Variants in DNM3 observed in about 807,000 individuals in gnomAD.
The protein encoded by DNM3 is dynamin 3, also known as dynamin-3.
DNM3 carries 47 observed loss-of-function variants against 101.6 expected under a neutral mutation model. That is an observed-to-expected ratio of 0.46 (90% CI 0.37 to 0.59). DNM3 has a LOEUF of 0.59. DNM3 is among the 20% of genes least tolerant of loss of function. DNM3 has a pLI of 0.00. For missense variants in DNM3, 849 were observed against 1,085.7 expected (o/e 0.78, Z 3.06); for synonymous variants, 385 against 387.9 (o/e 0.99, Z 0.09).
intron 17 of DNM3, among the ~76,000 whole-genome samples, chr1:172,327,446 C>A (rs372515422): frequency 2.6e-5 from 4 of 152,076 alleles, no homozygotes; most frequent in Non-Finnish European, 4.4e-5. Context: ...TGTCCTTGGT[C>A]GTATGTGAGA....
At chr1:172,362,644 G>T (rs1385650249) in intron 17 of DNM3, among the ~76,000 whole-genome samples, 1 of 151,686 alleles carries the variant, frequency 6.6e-6, no homozygotes, top group Non-Finnish European at 1.5e-5. Context: ...CCCAACCCTG[G>T]TATCTTGATA....
chr1:171,882,430 TACACACACACACACAC>T (rs34753464), intron 1 of DNM3, among the ~76,000 whole-genome samples: 3 of 145,328 alleles, frequency 2.1e-5, no homozygotes, highest in African/African-American at 7.7e-5. Flanking sequence ...TCTCTCTCTA[TACACACACACACACAC>T]ACACACACAC....
At chr1:172,415,128 T>C (rs2071384212), downstream of DNM3, among the ~76,000 whole-genome samples, 1 of 152,144 alleles carries the variant, frequency 6.6e-6, no homozygotes, top group African/African-American at 2.4e-5. Context: ...ACAAGAGCTC[T>C]CAACTAAGGG....
intron 16 of DNM3, among the ~76,000 whole-genome samples, chr1:172,316,853 A>G (rs1308306204): frequency 6.6e-6 from 1 of 152,196 alleles, no homozygotes; most frequent in Non-Finnish European, 1.5e-5. Flanking sequence ...TAACAAGGAT[A>G]CCCAGGAATT....
intron 14 of DNM3, among the ~76,000 whole-genome samples, chr1:172,161,606 A>C (rs547087060): frequency 2.0e-5 from 3 of 152,164 alleles, no homozygotes; most frequent in East Asian, 3.9e-4. Context: ...ACAAATGAGC[A>C]ACTAAATGAT....
intron 2 of DNM3, among the ~76,000 whole-genome samples, chr1:171,938,374 C>T (rs769619806): frequency 4.6e-5 from 7 of 152,136 alleles, no homozygotes; most frequent in African/African-American, 9.7e-5. Flanking sequence ...ACTTGTCCCT[C>T]GGAGCTTGGC....
chr1:171,900,046 A>G (rs1022768260), intron 1 of DNM3, among the ~76,000 whole-genome samples: 1 of 152,320 alleles, frequency 6.6e-6, no homozygotes, highest in South Asian at 2.1e-4. Flanking sequence ...GAGAGACTGC[A>G]CAGTGGGGGA....
At chr1:172,391,777 A>G (rs2069549730) in intron 20 of DNM3, among the ~76,000 whole-genome samples, 1 of 152,082 alleles carries the variant, frequency 6.6e-6, no homozygotes, top group Admixed American at 6.6e-5. Context: ...GAAACCAGAA[A>G]CCTATAACAT....
At chr1:172,075,080 C>CT (rs975202394) in intron 11 of DNM3, among the ~76,000 whole-genome samples, 31 of 151,872 alleles carry the variant, frequency 2.0e-4, no homozygotes, top group Middle Eastern at 3.4e-3. Context: ...TGATGATGAG[C>CT]TTTTTTTTCA....
chr1:171,912,739 G>C (rs1356546231), intron 1 of DNM3, among the ~76,000 whole-genome samples: 1 of 152,168 alleles, frequency 6.6e-6, no homozygotes, highest in African/African-American at 2.4e-5. Flanking sequence ...CATTTGCAAG[G>C]GAGGCTGGGA....
intron 10 of DNM3, among the ~76,000 whole-genome samples, chr1:172,058,216 G>C (rs1286997787): frequency 6.6e-6 from 1 of 151,618 alleles, no homozygotes; most frequent in African/African-American, 2.4e-5. Context: ...TGACCTGCAA[G>C]GAGACTTAGA....
intron 1 of DNM3, among the ~76,000 whole-genome samples, chr1:171,893,057 C>A (rs1344430511): frequency 1.3e-5 from 2 of 149,804 alleles, no homozygotes; most frequent in African/African-American, 5.1e-5. Context: ...TTCCTTTTCC[C>A]TTTAGTCTTG....
rs553411732 is a variant in DNM3, at chr1:172,195,675, T to G, written c.1660-57898T>G. Among the ~76,000 whole-genome samples the G allele has an allele frequency of 2.6e-5, 4 of 152,078 alleles. No individual in the cohort carries two copies. The South Asian group carries it at 8.3e-4, about 32-fold the overall frequency. On this transcript the variant is annotated intron_variant, in intron 14 of 20. Transcript: ENST00000627582. ...TTTTCTTCTGCATCTATCGATATGA[T>G]AGTATGTTGTTTTATTCTTTAATAT...
At chr1:172,079,234 C>T (rs1325633410) in intron 11 of DNM3, among the ~76,000 whole-genome samples, 1 of 152,158 alleles carries the variant, frequency 6.6e-6, no homozygotes, top group Non-Finnish European at 1.5e-5. Flanking sequence ...ATTCCATTCT[C>T]CCCGTCACTT....
chr1:171,994,968 T>C (rs1435332473), intron 4 of DNM3, among the ~76,000 whole-genome samples: 1 of 151,816 alleles, frequency 6.6e-6, no homozygotes, highest in Non-Finnish European at 1.5e-5. Context: ...CCTCCAGGGG[T>C]TTCTAGGGTT....
chr1:172,338,837 C>A, intron 17 of DNM3: 1 of 479,580 alleles, frequency 2.1e-6, no homozygotes, highest in Non-Finnish European at 4.2e-6. Flanking sequence ...ATCAATCCTT[C>A]ATTATGGTTT....
At chr1:172,379,502 A>G (rs1447118477) in intron 18 of DNM3, among the ~76,000 whole-genome samples, 2 of 152,064 alleles carry the variant, frequency 1.3e-5, no homozygotes, top group Non-Finnish European at 2.9e-5. Flanking sequence ...CAGCAAAGAA[A>G]CCAGATGCCC....
intron 14 of DNM3, among the ~76,000 whole-genome samples, chr1:172,153,525 C>T (rs1307841597): frequency 1.3e-5 from 2 of 152,120 alleles, no homozygotes; most frequent in African/African-American, 2.4e-5. Flanking sequence ...TAGTTTTTGC[C>T]CTTCTTCCTC....
intron 1 of DNM3, among the ~76,000 whole-genome samples, chr1:171,908,511 T>C (rs2039014714): frequency 6.6e-6 from 1 of 152,158 alleles, no homozygotes; most frequent in Admixed American, 6.5e-5. Context: ...TCTATCTTTT[T>C]TCCCCCCTAA....
Sources: gnomAD v4.1 joint callset for allele counts (sites outside exome capture counted in the v4.1 genomes callset) on GRCh38, gnomAD v4.1.1 for gene constraint, MANE v1.5 for transcripts, NCBI Gene and HGNC (gene_info 2026-07-23, HGNC 2026-07-21) for gene names.